B3GALT5: variants seen among roughly 807,000 people sequenced by gnomAD.
B3GALT5 encodes the protein beta-1,3-galactosyltransferase 5.
For synonymous variants in B3GALT5, 156 were observed against 158.6 expected, an observed-to-expected ratio of 0.98 and a Z score of 0.12; for missense variants, 328 against 396.6, an observed-to-expected ratio of 0.83 and a Z score of 1.47.
At chr21:39,628,006 G>A (rs961340946) in intron 1 of B3GALT5, among the ~76,000 whole-genome samples, 4 of 152,072 alleles carry the variant, frequency 2.6e-5, no homozygotes, top group Admixed American at 2.6e-4. Flanking sequence ...AATAAAACCA[G>A]GGATGAACAC....
chr21:39,633,403 C>T (rs541516011), intron 1 of B3GALT5, among the ~76,000 whole-genome samples: 2 of 152,268 alleles, frequency 1.3e-5, no homozygotes, highest in Admixed American at 1.3e-4. Context: ...AGATGGTTAA[C>T]AGAATAGTGC....
At chr21:39,631,369 C>T (rs116803561) in intron 1 of B3GALT5, among the ~76,000 whole-genome samples, 1,823 of 152,206 alleles carry the variant, frequency 0.012, 40 homozygotes, top group African/African-American at 0.042. Flanking sequence ...CCGCCTTCAT[C>T]GTTACTTGGT....
chr21:39,629,805 T>C (rs1470911520), intron 1 of B3GALT5, among the ~76,000 whole-genome samples: 1 of 152,232 alleles, frequency 6.6e-6, no homozygotes, highest in African/African-American at 2.4e-5. Context: ...TGTTAATTCC[T>C]GGTTTTATTG....
chr21:39,631,081 A>T (rs1315597283), intron 1 of B3GALT5, among the ~76,000 whole-genome samples: 1 of 152,256 alleles, frequency 6.6e-6, no homozygotes, highest in Non-Finnish European at 1.5e-5. Context: ...GGCACATTGC[A>T]AATATTCAGG....
chr21:39,645,571 A>G (rs1032548022), intron 1 of B3GALT5, among the ~76,000 whole-genome samples: 1 of 152,174 alleles, frequency 6.6e-6, no homozygotes. Context: ...GGCTGACACC[A>G]CGTGGTGTCT....
intron 1 of B3GALT5, among the ~76,000 whole-genome samples, chr21:39,628,423 G>A (rs1327527074): frequency 1.3e-5 from 2 of 152,104 alleles, no homozygotes; most frequent in African/African-American, 4.8e-5. Context: ...CCGAGTCTTT[G>A]TTATCTCTCA....
intron 1 of B3GALT5, among the ~76,000 whole-genome samples, chr21:39,625,274 T>C (rs2079157900): frequency 6.6e-6 from 1 of 151,962 alleles, no homozygotes; most frequent in East Asian, 1.9e-4. Context: ...TAGTGAAGAG[T>C]GATGGAGTTA....
chr21:39,643,313 G>A (rs947288333), intron 1 of B3GALT5, among the ~76,000 whole-genome samples: 13 of 151,684 alleles, frequency 8.6e-5, no homozygotes, highest in African/African-American at 3.1e-4. Context: ...AGCCACTTGG[G>A]AGGCTGAGGC....
chr21:39,646,254 C>G (rs2079338529), intron 1 of B3GALT5, 138 bp from the exon 2 acceptor site: 1 of 152,120 alleles, frequency 6.6e-6, no homozygotes, highest in African/African-American at 2.4e-5. Flanking sequence ...TCTGTATGAA[C>G]AGCACGGGTG....
Position 39,661,696 on chromosome 21 carries a change from C to T in B3GALT5, c.*204C>T, listed in dbSNP as rs1602311466. 4.1e-6 allele frequency: 2 copies of T among 489,744 alleles called. No homozygotes were observed. The highest frequency in any genetic ancestry group is 6.5e-5 in the South Asian group (1 of 15,360). The allele number at this position is 489,744 out of a possible 1,614,324, so 30.3% of individuals were successfully genotyped here. On this transcript the variant is annotated 3_prime_UTR_variant, in exon 4 of 4. Coordinates refer to ENST00000684187, the MANE Select transcript of B3GALT5 (RefSeq NM_001356336.2). The surrounding 1 kb of genome is among the most constrained non-coding windows in gnomAD (Gnocchi z 4.7). ...GGCCCGTCTCTTGGGCACGCACACT[C>T]TTCATACTAAGTGTTTGACATACAC...
chr21:39,658,091 A>G (rs1734483485), intron 2 of B3GALT5, among the ~76,000 whole-genome samples: 1 of 152,166 alleles, frequency 6.6e-6, no homozygotes, highest in Non-Finnish European at 1.5e-5. Context: ...GCTGGCCCCC[A>G]GGTCCTCTTT....
Position 39,662,107 on chromosome 21 carries a change from T to G in B3GALT5, c.*615T>G, listed in dbSNP as rs2079532987. On this transcript the variant is annotated 3_prime_UTR_variant, in exon 4 of 4. Coordinates refer to ENST00000684187, the MANE Select transcript of B3GALT5 (RefSeq NM_001356336.2). ...TGTAGCTGGGATTGAGTCCATGTTA[T>G]CGGCTCGGTACTCAACACAACCCAA... The G allele has an allele frequency of 6.0e-6, 1 of 167,052 alleles. No individual in the cohort carries two copies. The highest frequency in any genetic ancestry group is 1.5e-5 in the Non-Finnish European group (1 of 68,118). 10.3% of individuals were successfully genotyped at this position (167,052 alleles called of 1,614,324 possible). A position where few individuals can be genotyped will look rare whatever the true frequency, so the allele number is the denominator to read the frequency against.
Position 39,659,826 on chromosome 21 carries a change from C to T in B3GALT5, c.-87C>T, listed in dbSNP as rs2079492425. The T allele has an allele frequency of 8.1e-6, 8 of 984,934 alleles. No homozygotes were observed. Among genetic ancestry groups the T allele is most frequent in the Non-Finnish European group, 9.6e-6 (8 of 829,766 alleles). The allele number at this position is 984,934 out of a possible 1,614,324, so 61.0% of individuals were successfully genotyped here. The stretch of plus-strand genomic sequence containing the variant: ...CCTGATAATTATGGAGCATTCTACA[C>T]TGACAGTTCTTTGAGACAAATTTCC... On this transcript the variant is annotated 5_prime_UTR_variant, in exon 3 of 4. Transcript: ENST00000684187.
rs139616023 is a variant in B3GALT5 at position 39,646,383 on chromosome 21, A to G, written c.-391-9A>G. 2.0e-5 allele frequency: 3 copies of G among 152,366 alleles called. No homozygotes were observed. In the East Asian group the frequency reaches 5.8e-4, roughly 29 times the overall value. The allele number at this position is 152,366 out of a possible 1,614,324, so 9.4% of individuals were successfully genotyped here. A position where few individuals can be genotyped will look rare whatever the true frequency, so the allele number is the denominator to read the frequency against. Reference sequence around the variant, plus strand: ...ATTACCTAACGCTCTTAAATTTTTCATACAACAGTTTCATCTGGAAGAGAG... The same window carrying G: ...ATTACCTAACGCTCTTAAATTTTTCGTACAACAGTTTCATCTGGAAGAGAG... On this transcript the variant is annotated splice_polypyrimidine_tract_variant and intron_variant, in intron 1 of 3. Coordinates refer to ENST00000684187, the MANE Select transcript of B3GALT5 (RefSeq NM_001356336.2).
Position 39,671,773 on chromosome 21 carries a change from GC to G in B3GALT5, c.*10285del, listed in dbSNP as rs2079630575. ...TAGAGAGAAGGATTTGCAGTGTGTG[GC>G]CCCTGGGAATGTAGAGGCATGAATT... On this transcript the variant is annotated 3_prime_UTR_variant, in exon 4 of 4. Coordinates refer to ENST00000684187, the MANE Select transcript of B3GALT5 (RefSeq NM_001356336.2). 6.6e-6 allele frequency: 1 copy of G among 152,148 alleles called. No homozygotes were observed. The highest frequency in any genetic ancestry group is 1.5e-5 in the Non-Finnish European group (1 of 68,046). The allele number at this position is 152,148 out of a possible 1,614,324, so 9.4% of individuals were successfully genotyped here.
chr21:39,656,606 G>A (rs560812), intron 2 of B3GALT5, among the ~76,000 whole-genome samples: 109,349 of 152,154 alleles, frequency 0.72, 39,401 homozygotes, highest in Middle Eastern at 0.75. Context: ...CTCCTTTCAG[G>A]TCCAGGAAGT....
At chr21:39,616,893 G>T (rs532877633) in intron 1 of B3GALT5, among the ~76,000 whole-genome samples, 5 of 152,318 alleles carry the variant, frequency 3.3e-5, no homozygotes, top group Admixed American at 2.0e-4. Context: ...CCAAATTCAG[G>T]ATGTAACTTG....
chr21:39,634,013 A>G (rs572712478), intron 1 of B3GALT5, among the ~76,000 whole-genome samples: 1 of 152,162 alleles, frequency 6.6e-6, no homozygotes, highest in Admixed American at 6.5e-5. Flanking sequence ...AGTGGCTTTT[A>G]AGCTCTTTGG....
intron 2 of B3GALT5, among the ~76,000 whole-genome samples, chr21:39,655,625 G>A (rs2079435419): frequency 6.6e-6 from 1 of 152,168 alleles, no homozygotes; most frequent in Non-Finnish European, 1.5e-5. Flanking sequence ...TATACAATTG[G>A]GGTGGGGGGC....
Sources: gnomAD v4.1 joint callset for allele counts (sites outside exome capture counted in the v4.1 genomes callset) on GRCh38, gnomAD v4.1.1 for gene constraint, Gnocchi (gnomAD v3.1) non-coding constraint, MANE v1.5 for transcripts, NCBI Gene and HGNC (gene_info 2026-07-23, HGNC 2026-07-21) for gene names.